The following CCN6 variants were observed in gnomAD, a reference collection of about 807,000 sequenced individuals.
The protein encoded by CCN6 is cellular communication network factor 6, also known as CCN family member 6.
Under a neutral mutation model 37.4 loss-of-function variants are expected in CCN6, and 31 were observed. The ratio of observed to expected loss-of-function variants is 0.83; its 90% CI spans 0.62 to 1.12. The LOEUF (loss-of-function observed/expected upper bound fraction) is 1.12, where lower values mean the gene tolerates loss of function less well. CCN6 is among the 50% of genes most tolerant of loss of function. The pLI is 0.00. For synonymous variants in CCN6, 137 were observed against 142.1 expected (o/e 0.96, Z 0.26); for missense variants, 369 against 413.8 (o/e 0.89, Z 0.94).
In CCN6 at chr6:112,064,975, A is replaced by G; in HGVS notation, c.567A>G (p.Ser189=). ...TGGAACCATTACTACAGCAGCTTTC[A>G]ACAAGCTACAAAACAATGCCAGGTG... is the stretch of plus-strand genomic sequence containing the variant. ...CSLEPLLQQL[S]TSYKTMPAYR... The change falls in exon 3 of 5, where the codon TCA becomes TCG. Residue 189 remains serine (S), a synonymous_variant. Transcript: ENST00000368666. 1 of 1,614,016 alleles carries G rather than the reference A, an allele frequency of 6.2e-7. No individual in the cohort carries two copies. Among genetic ancestry groups the G allele is most frequent in the Non-Finnish European group, 8.5e-7 (1 of 1,179,900 alleles).
At position 112,069,430 on chromosome 6, in the gene CCN6, A is replaced by T. The variant is rs1776809453; in HGVS notation, c.875A>T (p.Lys292Ile). 6 of 1,613,768 alleles carry T rather than the reference A, an allele frequency of 3.7e-6. No individual in the cohort carries two copies. The highest frequency in any genetic ancestry group is 4.2e-6 in the Non-Finnish European group (5 of 1,179,880). Residue 292 changes from lysine (K) to isoleucine (I), a missense_variant, in exon 5 of 5, where the codon AAA (lysine) becomes ATA (isoleucine). Physicochemically the swap from Lys to Ile is moderately radical, Grantham distance 102. Transcript: ENST00000368666. ...FSGCSSTQSY[K>I]PTFCGICLDK... ...GGATGCTCAAGTACTCAGAGTTACA[A>T]ACCCACTTTTTGTGGAATATGCTTG...
rs372222935 is a variant in CCN6, at chr6:112,059,966, C to T, written c.49-1025C>T. On this transcript the variant is annotated intron_variant, in intron 1 of 4. Transcript: ENST00000368666. ...CACAAAGAGTGGTCAAAGAGGGCCT[C>T]ACTGAGAAATTTGAGCACAGACCTA... The T allele has an allele frequency of 3.6e-5, 49 of 1,351,128 alleles. No homozygotes were observed. In the African/African-American group the frequency reaches 6.3e-4, roughly 17 times the overall value. 83.7% of individuals were successfully genotyped at this position (1,351,128 alleles called of 1,614,324 possible). A position where few individuals can be genotyped will look rare whatever the true frequency, so the allele number is the denominator to read the frequency against.
upstream of CCN6, chr6:112,054,028 A>T (rs1554311262): frequency 4.0e-6 from 2 of 503,914 alleles, no homozygotes. Flanking sequence ...CTCTCCAGGA[A>T]CAGGTAACAC....
intron 3 of CCN6, chr6:112,067,051 T>C (rs1314556843): frequency 7.3e-7 from 1 of 1,365,332 alleles, no homozygotes; most frequent in Non-Finnish European, 9.8e-7. Context: ...ACGTTTCTGC[T>C]TCCTCTCCTC....
At chr6:112,053,935 G>C (rs1776271223), upstream of CCN6, 2 of 366,322 alleles carry the variant, frequency 5.5e-6, no homozygotes, top group Non-Finnish European at 1.1e-5. Context: ...AGAGGACCCG[G>C]AGCAGGGCAA....
chr6:112,069,466 G>A lies in CCN6; in HGVS notation c.911G>A (p.Cys304Tyr). 1 of 1,613,718 alleles carries A rather than the reference G, an allele frequency of 6.2e-7. No individual in the cohort carries two copies. Among genetic ancestry groups the A allele is most frequent in the Non-Finnish European group, 8.5e-7 (1 of 1,179,844 alleles). ...TFCGICLDKR[C>Y]CIPNKSKMIT... ...TGTGGAATATGCTTGGATAAGAGATGCTGTATCCCTAATAAGTCTAAAATG... is the reference window on the plus strand; with the variant it reads ...TGTGGAATATGCTTGGATAAGAGATACTGTATCCCTAATAAGTCTAAAATG... Residue 304 changes from cysteine to tyrosine, a missense_variant, in exon 5 of 5, where the codon TGC (cysteine) becomes TAC (tyrosine). Transcript: ENST00000368666.
intron 3 of CCN6, among the ~76,000 whole-genome samples, chr6:112,065,252 A>C (rs371565834): frequency 2.0e-5 from 3 of 152,218 alleles, no homozygotes; most frequent in African/African-American, 7.2e-5. Flanking sequence ...AGGAAGCTCT[A>C]CTAAAATCTT....
At chr6:112,057,037 C>T (rs996486453) in intron 1 of CCN6, among the ~76,000 whole-genome samples, 2 of 152,064 alleles carry the variant, frequency 1.3e-5, no homozygotes, top group Non-Finnish European at 2.9e-5. Flanking sequence ...ACCTTTTGAC[C>T]TCAGAGATTA....
chr6:112,066,503 G>C (rs782449390), intron 3 of CCN6, among the ~76,000 whole-genome samples: 14 of 152,088 alleles, frequency 9.2e-5, no homozygotes, highest in Non-Finnish European at 2.1e-4. Flanking sequence ...AGTCTTAGTA[G>C]TTAGTGTTTT....
intron 3 of CCN6, 125 bp from the exon 4 acceptor site, chr6:112,068,080 T>C (rs1396883621): frequency 1.2e-6 from 1 of 830,002 alleles, no homozygotes; most frequent in Non-Finnish European, 1.8e-6. Context: ...CATCGGCTTC[T>C]TTTATTCTGA....
At chr6:112,060,205 TGA>T in intron 1 of CCN6, 1 of 1,242,714 alleles carries the variant, frequency 8.0e-7, no homozygotes, top group East Asian at 5.5e-5. Flanking sequence ...TCACTCCATA[TGA>T]GCAAAGAGTG....
At position 112,060,060 on chromosome 6, in the gene CCN6, C is replaced by T. The variant is rs79985223; in HGVS notation, c.49-931C>T. The T allele has an allele frequency of 4.6e-3, 6,247 of 1,365,998 alleles. 241 individuals are homozygous for T. In the African/African-American group the frequency reaches 0.083, roughly 18 times the overall value. 84.6% of individuals were successfully genotyped at this position (1,365,998 alleles called of 1,614,324 possible). A position where few individuals can be genotyped will look rare whatever the true frequency, so the allele number is the denominator to read the frequency against. On this transcript the variant is annotated intron_variant, in intron 1 of 4. Transcript: ENST00000368666. ...TGTGCTTGGAGTCAGAGAACAAGGA[C>T]GCTGGTGTGGCTGGTGTGGAGGCAG...
chr6:112,053,170 C>T (rs1289468710), upstream of CCN6, among the ~76,000 whole-genome samples: 3 of 152,108 alleles, frequency 2.0e-5, no homozygotes, highest in African/African-American at 4.8e-5. Context: ...AACACAGACC[C>T]AGGCTGAGAA....
chr6:112,066,173 GGTT>G (rs1327879720), intron 3 of CCN6, among the ~76,000 whole-genome samples: 4 of 152,240 alleles, frequency 2.6e-5, no homozygotes, highest in African/African-American at 9.6e-5. Context: ...AAATTTACTA[GGTT>G]GTTGTGAATT....
intron 1 of CCN6, among the ~76,000 whole-genome samples, chr6:112,055,967 A>G (rs1776337850): frequency 6.6e-6 from 1 of 152,210 alleles, no homozygotes; most frequent in Non-Finnish European, 1.5e-5. Flanking sequence ...ATTACAGAGG[A>G]GATCAAATGA....
intron 1 of CCN6, chr6:112,054,646 C>G (rs1776291048): frequency 5.8e-6 from 3 of 516,976 alleles, no homozygotes; most frequent in African/African-American, 1.9e-5. Flanking sequence ...AGCCTCCTTT[C>G]GCTATGTTTG....
chr6:112,060,002 A>G (rs1776463839), intron 1 of CCN6: 3 of 1,364,512 alleles, frequency 2.2e-6, no homozygotes, highest in Non-Finnish European at 2.9e-6. Context: ...AAGAGAGTAA[A>G]AGAGTGAGCC....
At chr6:112,056,074 T>C (rs1776340580) in intron 1 of CCN6, among the ~76,000 whole-genome samples, 1 of 152,222 alleles carries the variant, frequency 6.6e-6, no homozygotes, top group African/African-American at 2.4e-5. Flanking sequence ...ATGCTTATTG[T>C]CCTGAAATTT....
intron 3 of CCN6, among the ~76,000 whole-genome samples, chr6:112,066,119 G>A (rs1315638886): frequency 1.3e-5 from 2 of 152,084 alleles, no homozygotes; most frequent in Admixed American, 1.3e-4. Flanking sequence ...CTCTATGAAA[G>A]GAACATCCTC....
Sources: allele counts gnomAD v4.1 joint callset (sites outside exome capture counted in the v4.1 genomes callset), GRCh38; gene constraint gnomAD v4.1.1; transcripts MANE v1.5; gene names NCBI Gene and HGNC (gene_info 2026-07-23, HGNC 2026-07-21).